Variants in PRKDC observed in about 807,000 individuals in gnomAD.
PRKDC encodes protein kinase, DNA-activated, catalytic subunit, also known as DNA-dependent protein kinase catalytic subunit.
Under a neutral mutation model 486.9 loss-of-function variants are expected in PRKDC, and 82 were observed. The ratio of observed to expected loss-of-function variants is 0.17; its 90% CI spans 0.14 to 0.20. PRKDC has a LOEUF of 0.20. Among genes scored for constraint, PRKDC ranks in the 10% least tolerant of loss-of-function variants. The probability of loss-of-function intolerance (pLI) is 1.00; values close to 1 mark genes in which losing one functional copy is unlikely to be tolerated. For missense variants in PRKDC, 4,504 were observed against 5,038.2 expected, an observed-to-expected ratio of 0.89 and a Z score of 3.21; for synonymous variants, 1,895 against 1,837.0, an observed-to-expected ratio of 1.03 and a Z score of -0.81.
In PRKDC at chr8:47,862,143, A is replaced by G. The variant is rs369633323; in HGVS notation, c.5920-16T>C. The G allele has an allele frequency of 2.6e-6, 4 of 1,537,202 alleles. No homozygotes were observed. The South Asian group carries it at 4.9e-5, about 19-fold the overall frequency. ...TAAGCAAGTTCTGTGAATACAAAGA[A>G]TCATATAAAAATAGCTGAATGGTGA... is the stretch of plus-strand genomic sequence containing the variant. On this transcript the variant is annotated splice_polypyrimidine_tract_variant and intron_variant, in intron 43 of 85. Coordinates refer to ENST00000314191, the MANE Select transcript of PRKDC (RefSeq NM_006904.7).
At chr8:47,855,930 G>A (rs1046928684) in intron 49 of PRKDC, among the ~76,000 whole-genome samples, 1 of 152,196 alleles carries the variant, frequency 6.6e-6, no homozygotes, top group Admixed American at 6.5e-5. Context: ...ACTCCAGAGT[G>A]AGTAAAAGCT....
chr8:47,840,105 C>G lies in PRKDC; in HGVS notation c.7365G>C (p.Leu2455=), dbSNP rs369504501. 3.8e-6 allele frequency: 6 copies of G among 1,589,306 alleles called. No homozygotes were observed. Among genetic ancestry groups the G allele is most frequent in the East Asian group, 2.2e-5 (1 of 44,456 alleles). ...KLKPVELREL[L]NPVVEFVSHP... ...GGGAAACGAATTCCACAACGGGGTT[C>G]AGAAGTTCTCGGAGTTCTACTGGTT... The change falls in exon 55 of 86, where the codon CTG becomes CTC. Residue 2455 remains leucine (L), a synonymous_variant. Coordinates refer to ENST00000314191, the MANE Select transcript of PRKDC (RefSeq NM_006904.7).
intron 76 of PRKDC, among the ~76,000 whole-genome samples, chr8:47,786,970 G>A (rs1015171681): frequency 1.3e-5 from 2 of 151,628 alleles, no homozygotes; most frequent in East Asian, 1.9e-4. Flanking sequence ...CCAGTGATCC[G>A]CCCGCCTCGC....
Position 47,776,828 on chromosome 8 carries a change from C to T in PRKDC, c.12182+16G>A. The T allele has an allele frequency of 6.2e-7, 1 of 1,613,048 alleles. No homozygotes were observed. Among genetic ancestry groups the T allele is most frequent in the Non-Finnish European group, 8.5e-7 (1 of 1,179,584 alleles). On this transcript the variant is annotated intron_variant, in intron 85 of 85. Coordinates refer to ENST00000314191, the MANE Select transcript of PRKDC (RefSeq NM_006904.7). ...GTCGGTAGTCCGTTAGTTTTTTCCA[C>T]ATATAAAAATCTTACCAAGTAATGA...
intron 40 of PRKDC, among the ~76,000 whole-genome samples, chr8:47,869,373 T>A (rs1320441720): frequency 1.3e-5 from 2 of 151,804 alleles, no homozygotes; most frequent in South Asian, 4.2e-4. Flanking sequence ...CCTGAGTCCC[T>A]CACTCCAGGT....
At chr8:47,817,895 C>CA (rs1452358555) in intron 67 of PRKDC, among the ~76,000 whole-genome samples, 2 of 151,664 alleles carry the variant, frequency 1.3e-5, no homozygotes, top group African/African-American at 2.4e-5. Context: ...ATTTTCTTGG[C>CA]AAAAAAAATC....
chr8:47,822,764 T>C (rs571155779), intron 64 of PRKDC, among the ~76,000 whole-genome samples: 22 of 152,260 alleles, frequency 1.4e-4, no homozygotes, highest in Non-Finnish European at 2.6e-4. Flanking sequence ...CACTCCAGCG[T>C]GGGCGACAGA....
Position 47,821,709 on chromosome 8 carries a change from G to A in PRKDC, c.9006C>T (p.Tyr3002=). The part of the protein sequence containing the change: ...DFWELASLDC[Y]NHLAEWKSLE... ...GTGATTTCCACTCAGCAAGGTGGTT[G>A]TAACAGTCAAGGGATGCAAGTTCCC... Residue 3002 remains tyrosine, a synonymous_variant, in exon 65 of 86, where the codon TAC becomes TAT. Coordinates refer to ENST00000314191, the MANE Select transcript of PRKDC (RefSeq NM_006904.7). The A allele has an allele frequency of 6.2e-7, 1 of 1,601,020 alleles. No homozygotes were observed. The highest frequency in any genetic ancestry group is 1.1e-5 in the South Asian group (1 of 88,550).
At chr8:47,956,751 A>T (rs1001338228) in intron 3 of PRKDC, among the ~76,000 whole-genome samples, 1 of 151,650 alleles carries the variant, frequency 6.6e-6, no homozygotes, top group Non-Finnish European at 1.5e-5. Flanking sequence ...ACAAAATAAA[A>T]ATTATTATTT....
intron 35 of PRKDC, 76 bp downstream of exon 35, chr8:47,887,471 T>C: frequency 7.4e-7 from 1 of 1,353,110 alleles, no homozygotes; most frequent in Non-Finnish European, 9.7e-7. Flanking sequence ...AATTCCACAG[T>C]TTCTAGAGAC....
intron 66 of PRKDC, among the ~76,000 whole-genome samples, chr8:47,819,759 C>T (rs1446319235): frequency 6.6e-6 from 1 of 152,152 alleles, no homozygotes. Context: ...ACCAGGCTAT[C>T]ACTGCCTCGA....
chr8:47,941,495 C>A (rs1055871128), intron 10 of PRKDC, among the ~76,000 whole-genome samples: 1 of 152,156 alleles, frequency 6.6e-6, no homozygotes, highest in African/African-American at 2.4e-5. Flanking sequence ...AAGGGAAACC[C>A]CAAACACAGA....
intron 22 of PRKDC, 110 bp downstream of exon 22, chr8:47,918,166 CT>C (rs2090017359): frequency 2.0e-5 from 14 of 711,350 alleles, no homozygotes; most frequent in Non-Finnish European, 2.9e-5. Context: ...TTGTACTCTA[CT>C]TTGTATACAA....
Position 47,960,101 on chromosome 8 carries a change from C to A in PRKDC, c.26G>T (p.Arg9Leu). The A allele has an allele frequency of 6.6e-7, 1 of 1,514,170 alleles. No homozygotes were observed. Among genetic ancestry groups the A allele is most frequent in the Non-Finnish European group, 8.8e-7 (1 of 1,136,052 alleles). 93.8% of individuals were successfully genotyped at this position (1,514,170 alleles called of 1,614,324 possible). Residue 9 changes from arginine (R) to leucine (L), a missense_variant, in exon 1 of 86, where the codon CGT (arginine) becomes CTT (leucine). Transcript: ENST00000314191. MAGSGAGV[R>L]CSLLRLQETL... is the part of the protein sequence containing the mutation. Reference sequence around the variant, plus strand: ...CTCCTGCAGCCGCAGCAGGGAGCAACGCACACCGGCTCCGGAGCCCGCCAT... The same window carrying A: ...CTCCTGCAGCCGCAGCAGGGAGCAAAGCACACCGGCTCCGGAGCCCGCCAT...
intron 4 of PRKDC, among the ~76,000 whole-genome samples, chr8:47,955,196 C>G (rs2090681402): frequency 6.6e-6 from 1 of 151,094 alleles, no homozygotes; most frequent in Non-Finnish European, 1.5e-5. Flanking sequence ...GGCGCGGTGG[C>G]TCACACCTGT....
In PRKDC at chr8:47,889,177, C is replaced by T. The variant is rs759118099; in HGVS notation, c.4117G>A (p.Val1373Met). The change falls in exon 33 of 86, where the codon GTG becomes ATG. Residue 1373 changes from valine (V) to methionine (M), a missense_variant. Coordinates refer to ENST00000314191, the MANE Select transcript of PRKDC (RefSeq NM_006904.7). ...CTTGCGGGCTCACACAGCGTCTGCA[C>T]CAGGACTCTCATCAGGTGTGTATTA... ...LCNTHLMRVL[V>M]QTLCEPASIG... is the part of the protein sequence containing the mutation. 1 of 1,613,828 alleles carries T rather than the reference C, an allele frequency of 6.2e-7. No homozygotes were observed. Among genetic ancestry groups the T allele is most frequent in the Non-Finnish European group, 8.5e-7 (1 of 1,179,874 alleles).
chr8:47,878,450 A>G (rs563894333), intron 39 of PRKDC, among the ~76,000 whole-genome samples: 1 of 152,200 alleles, frequency 6.6e-6, no homozygotes, highest in South Asian at 2.1e-4. Context: ...TCTGCATCTC[A>G]GGTTCTGAGA....
chr8:47,929,761 G>T, intron 18 of PRKDC, 92 bp downstream of exon 18: 1 of 1,307,670 alleles, frequency 7.6e-7, no homozygotes, highest in Non-Finnish European at 1.0e-6. Flanking sequence ...CTTTAAAACT[G>T]CATAGGCCAC....
intron 34 of PRKDC, among the ~76,000 whole-genome samples, chr8:47,887,965 C>A (rs1170950841): frequency 6.6e-6 from 1 of 152,192 alleles, no homozygotes; most frequent in Non-Finnish European, 1.5e-5. Flanking sequence ...AAGCAATCCT[C>A]CCACCTCAGC....
Sources: gnomAD v4.1 joint callset for allele counts (sites outside exome capture counted in the v4.1 genomes callset) on GRCh38, gnomAD v4.1.1 for gene constraint, MANE v1.5 for transcripts, NCBI Gene and HGNC (gene_info 2026-07-23, HGNC 2026-07-21) for gene names.